Variants in FIP1L1 observed in about 807,000 individuals in gnomAD.
The protein encoded by FIP1L1 is pre-mRNA 3'-end-processing factor FIP1.
FIP1L1 carries 21 observed loss-of-function variants against 84.6 expected under a neutral mutation model. The observed-to-expected ratio is 0.25, with a 90% CI of 0.18 to 0.36. The LOEUF is 0.36. Among genes scored for constraint, FIP1L1 ranks in the 10% least tolerant of loss-of-function variants. FIP1L1 has a pLI of 1.00. For synonymous variants in FIP1L1, 263 were observed against 242.3 expected, an observed-to-expected ratio of 1.09 and a Z score of -0.80; for missense variants, 526 against 751.1, an observed-to-expected ratio of 0.70 and a Z score of 3.50.
At chr4:53,457,551 A>G (rs1157765126) in intron 16 of FIP1L1, among the ~76,000 whole-genome samples, 1 of 152,242 alleles carries the variant, frequency 6.6e-6, no homozygotes, top group African/African-American at 2.4e-5. Flanking sequence ...TTTTGCTAGA[A>G]CACAGGCTGA....
At chr4:53,379,565 A>T (rs1173466953) in intron 3 of FIP1L1, among the ~76,000 whole-genome samples, 2 of 152,258 alleles carry the variant, frequency 1.3e-5, no homozygotes, top group African/African-American at 2.4e-5. Context: ...ATAATCGTTA[A>T]GCTACTGATA....
At chr4:53,452,114 T>TCTCATGATCCACCCAC in intron 15 of FIP1L1, among the ~76,000 whole-genome samples, 1 of 151,886 alleles carries the variant, frequency 6.6e-6, no homozygotes, top group South Asian at 2.1e-4. Flanking sequence ...GAACTCCTGA[T>TCTCATGATCCACCCAC]CTCATGATCC....
intron 13 of FIP1L1, among the ~76,000 whole-genome samples, chr4:53,430,740 G>A (rs775326647): frequency 2.6e-5 from 4 of 152,064 alleles, no homozygotes; most frequent in Non-Finnish European, 4.4e-5. Context: ...TTATTTTTCT[G>A]TTGCTTAATC....
At chr4:53,381,750 A>ATTTTTTTT (rs1233462083) in intron 3 of FIP1L1, among the ~76,000 whole-genome samples, 13 of 63,054 alleles carry the variant, frequency 2.1e-4, no homozygotes, top group African/African-American at 7.3e-4. Flanking sequence ...AGGCATTTGC[A>ATTTTTTTT]TTCTTTTTTT....
At chr4:53,429,071 A>C (rs1261292301) in intron 13 of FIP1L1, among the ~76,000 whole-genome samples, 6 of 152,222 alleles carry the variant, frequency 3.9e-5, no homozygotes. Flanking sequence ...ATCCGAGTAC[A>C]GAACCAAATC....
chr4:53,403,507 C>A (rs1405936040), intron 10 of FIP1L1, among the ~76,000 whole-genome samples: 1 of 152,126 alleles, frequency 6.6e-6, no homozygotes, highest in Non-Finnish European at 1.5e-5. Context: ...AAATAAGTTT[C>A]TTTATTCCTG....
chr4:53,436,423 C>T (rs1308742436), intron 13 of FIP1L1, among the ~76,000 whole-genome samples: 3 of 152,116 alleles, frequency 2.0e-5, no homozygotes, highest in East Asian at 3.8e-4. Context: ...CTGGTGTAGG[C>T]GTCTTAATAT....
At chr4:53,453,363 A>AT (rs1385640581) in intron 16 of FIP1L1, among the ~76,000 whole-genome samples, 2 of 152,094 alleles carry the variant, frequency 1.3e-5, no homozygotes, top group African/African-American at 4.8e-5. Flanking sequence ...CCCTTCATTT[A>AT]TTTTTATCTT....
chr4:53,420,202 A>AAAC (rs1761681702), intron 11 of FIP1L1, among the ~76,000 whole-genome samples: 1 of 124,842 alleles, frequency 8.0e-6, no homozygotes, highest in African/African-American at 3.4e-5. Flanking sequence ...CGTCTCAAAA[A>AAAC]AAAAAAAAAA....
At chr4:53,413,123 C>T (rs190386999) in intron 10 of FIP1L1, among the ~76,000 whole-genome samples, 276 of 151,640 alleles carry the variant, frequency 1.8e-3, no homozygotes, top group Middle Eastern at 0.014. Context: ...TGTTCCTCTT[C>T]AAACTTGCTC....
Position 53,457,480 on chromosome 4 carries a change from C to T in FIP1L1, c.1500-1173C>T, listed in dbSNP as rs139710772. 4.5e-3 allele frequency among the ~76,000 whole-genome samples: 691 copies of T among 152,062 alleles called. 4 individuals are homozygous for T. Among genetic ancestry groups the T allele is most frequent in the Non-Finnish European group, 5.6e-3 (378 of 67,952 alleles). The stretch of plus-strand genomic sequence containing the variant: ...AAGATTCTAAAATTTTAATGTATCA[C>T]AGATAATAACTTGGTCAGCAGTACA... On this transcript the variant is annotated intron_variant, in intron 16 of 17. Transcript: ENST00000337488.
chr4:53,449,244 A>G (rs1371836698), intron 15 of FIP1L1, among the ~76,000 whole-genome samples: 1 of 152,078 alleles, frequency 6.6e-6, no homozygotes, highest in Non-Finnish European at 1.5e-5. Context: ...AAATGCTTCT[A>G]GATTTTTACT....
At chr4:53,442,809 A>C in intron 14 of FIP1L1, 102 bp downstream of exon 14, 1 of 636,370 alleles carries the variant, frequency 1.6e-6, no homozygotes. Flanking sequence ...TAAACACAGC[A>C]CCTGTCTTTT....
intron 6 of FIP1L1, 51 bp downstream of exon 6, chr4:53,389,924 T>C (rs1228460498): frequency 1.4e-5 from 19 of 1,394,838 alleles, no homozygotes; most frequent in Non-Finnish European, 1.9e-5. Context: ...GCACATATCT[T>C]AAATAGGTCT....
Position 53,383,916 on chromosome 4 carries a change from A to G in FIP1L1, c.332+40A>G, listed in dbSNP as rs367783092. On this transcript the variant is annotated intron_variant, in intron 5 of 17. Coordinates refer to ENST00000337488, the MANE Select transcript of FIP1L1 (RefSeq NM_030917.4). ...AGTAAGTAACAATTGTGTAAATGCT[A>G]TATAGTAAGGAGAGTGTGCCTATAT... is the stretch of plus-strand genomic sequence containing the variant. The G allele has an allele frequency of 3.8e-4, 599 of 1,590,822 alleles. 8 individuals carry two copies. In the South Asian group the frequency reaches 6.5e-3, roughly 17 times the overall value.
At chr4:53,410,607 A>G (rs1282694072) in intron 10 of FIP1L1, among the ~76,000 whole-genome samples, 1 of 152,166 alleles carries the variant, frequency 6.6e-6, no homozygotes, top group African/African-American at 2.4e-5. Context: ...CATAGTCTAA[A>G]ATAAACATAA....
intron 9 of FIP1L1, among the ~76,000 whole-genome samples, chr4:53,391,883 C>T (rs1744439089): frequency 6.6e-6 from 1 of 152,138 alleles, no homozygotes; most frequent in Non-Finnish European, 1.5e-5. Context: ...AGGAAGGTGG[C>T]ATACTGTTTA....
At chr4:53,451,689 T>C (rs1716061602) in intron 15 of FIP1L1, among the ~76,000 whole-genome samples, 1 of 152,072 alleles carries the variant, frequency 6.6e-6, no homozygotes, top group Non-Finnish European at 1.5e-5. Flanking sequence ...AGAATAATCT[T>C]TCTCTTCTAA....
chr4:53,392,317 C>A (rs1187570112), intron 9 of FIP1L1, among the ~76,000 whole-genome samples: 4 of 152,254 alleles, frequency 2.6e-5, no homozygotes, highest in Non-Finnish European at 5.9e-5. Context: ...GAGACCACTG[C>A]TCCCCTTTTG....
Sources: gnomAD v4.1 joint callset for allele counts (sites outside exome capture counted in the v4.1 genomes callset) on GRCh38, gnomAD v4.1.1 for gene constraint, MANE v1.5 for transcripts, NCBI Gene and HGNC (gene_info 2026-07-23, HGNC 2026-07-21) for gene names.